The following DCUN1D2 variants were observed in gnomAD, a reference collection of about 807,000 sequenced individuals.
The protein encoded by DCUN1D2 is DCN1-like protein 2.
In DCUN1D2, 29 loss-of-function variants were observed where a neutral mutation model predicts 30.9. That is an observed-to-expected ratio of 0.94 (90% CI 0.70 to 1.28). The LOEUF is 1.28. DCUN1D2 is among the 50% of genes most tolerant of loss of function. The pLI is 0.00. For missense variants in DCUN1D2, 325 were observed against 316.9 expected, an observed-to-expected ratio of 1.03 and a Z score of -0.19; for synonymous variants, 121 against 115.3, an observed-to-expected ratio of 1.05 and a Z score of -0.32.
chr13:113,489,093 G>C (rs1039413582), intron 1 of DCUN1D2: 4 of 985,110 alleles, frequency 4.1e-6, no homozygotes, highest in Non-Finnish European at 4.8e-6. Context: ...AACTTACCCG[G>C]GGCTGGCGGG....
At position 113,456,730 on chromosome 13, in the gene DCUN1D2, A is replaced by C; in HGVS notation, c.*1299T>G. ...TGCAAGGACAGACTTCAGCTCACCA[A>C]TCAGATGAAGGTTTTGGGGTTGGGT... On this transcript the variant is annotated 3_prime_UTR_variant, in exon 7 of 7. Coordinates refer to ENST00000478244, the MANE Select transcript of DCUN1D2 (RefSeq NM_001014283.2). 1 of 194,504 alleles carries C rather than the reference A, an allele frequency of 5.1e-6. No individual in the cohort carries two copies. The highest frequency in any genetic ancestry group is 1.0e-5 in the Non-Finnish European group (1 of 96,560). 12.0% of individuals were successfully genotyped at this position (194,504 alleles called of 1,614,324 possible).
Position 113,484,054 on chromosome 13 carries a change from A to T in DCUN1D2, c.6T>A (p.His2Gln), listed in dbSNP as rs777808907. 1 of 1,613,244 alleles carries T rather than the reference A, an allele frequency of 6.2e-7. No individual in the cohort carries two copies. The highest frequency in any genetic ancestry group is 8.5e-7 in the Non-Finnish European group (1 of 1,179,922). M[H>Q]KLKSSQKDKV... Reference sequence around the variant, plus strand: ...TGTCCTTCTGAGACGATTTAAGCTTATGCTTTGGGATGCAAAAGAAGTAGG... The same window carrying T: ...TGTCCTTCTGAGACGATTTAAGCTTTTGCTTTGGGATGCAAAAGAAGTAGG... The change falls in exon 2 of 7, where the codon CAT becomes CAA. Residue 2 changes from histidine to glutamine, a missense_variant and splice_region_variant. By Grantham distance (24) the His-to-Gln change is conservative. Transcript: ENST00000478244.
chr13:113,485,515 A>T (rs2044786653), intron 1 of DCUN1D2, among the ~76,000 whole-genome samples: 1 of 152,108 alleles, frequency 6.6e-6, no homozygotes, highest in Admixed American at 6.5e-5. Context: ...AGCAGCTCAG[A>T]AGTGGTACAG....
chr13:113,460,953 A>G (rs910930844), intron 5 of DCUN1D2, 101 bp downstream of exon 5: 10 of 691,910 alleles, frequency 1.4e-5, no homozygotes, highest in Non-Finnish European at 2.4e-5. Context: ...TCTGCTGAAA[A>G]CCTCCACGTG....
intron 5 of DCUN1D2, 138 bp downstream of exon 5, chr13:113,460,916 C>A: frequency 3.4e-6 from 2 of 593,708 alleles, no homozygotes; most frequent in Non-Finnish European, 5.9e-6. Flanking sequence ...CCTGTCTGGA[C>A]CTGCGGATCT....
At chr13:113,459,520 A>G (rs548177493) in intron 5 of DCUN1D2, 112 bp from the exon 6 acceptor site, 1 of 591,958 alleles carries the variant, frequency 1.7e-6, no homozygotes, top group African/African-American at 1.8e-5. Context: ...TTGATTAGGA[A>G]CAAGTACAAT....
At chr13:113,490,754 G>T, upstream of DCUN1D2, 3 of 1,138,720 alleles carry the variant, frequency 2.6e-6, no homozygotes, top group South Asian at 8.2e-5. The surrounding 1 kb of genome is among the most constrained non-coding windows in gnomAD (Gnocchi z 5.2). Flanking sequence ...GGACGGCCGC[G>T]GCCCTCGGCT....
At position 113,490,551 on chromosome 13, in the gene DCUN1D2, C is replaced by T. The variant is rs1400858387; in HGVS notation, c.3+116G>A. ...GTTCCTCCCTCGGATCCACGCGGAACGCCCCGCGCAGCTCGCTGGGCTCGG... is the reference window on the plus strand; with the variant it reads ...GTTCCTCCCTCGGATCCACGCGGAATGCCCCGCGCAGCTCGCTGGGCTCGG... On this transcript the variant is annotated intron_variant, in intron 1 of 6. Coordinates refer to ENST00000478244, the MANE Select transcript of DCUN1D2 (RefSeq NM_001014283.2). The surrounding 1 kb of genome is among the most constrained non-coding windows in gnomAD (Gnocchi z 5.2). The T allele has an allele frequency of 9.6e-7, 1 of 1,043,298 alleles. No homozygotes were observed. Among genetic ancestry groups the T allele is most frequent in the Non-Finnish European group, 1.2e-6 (1 of 819,050 alleles). 64.6% of individuals were successfully genotyped at this position (1,043,298 alleles called of 1,614,324 possible). A position where few individuals can be genotyped will look rare whatever the true frequency, so the allele number is the denominator to read the frequency against.
chr13:113,459,800 G>T (rs1032390105), intron 5 of DCUN1D2, among the ~76,000 whole-genome samples: 1 of 152,060 alleles, frequency 6.6e-6, no homozygotes, highest in Admixed American at 6.6e-5. Flanking sequence ...TCTGCAACTT[G>T]TTTTTTTCCC....
At chr13:113,459,180 A>T (rs962651539) in intron 6 of DCUN1D2, 132 bp downstream of exon 6, 1 of 581,450 alleles carries the variant, frequency 1.7e-6, no homozygotes, top group Admixed American at 2.9e-5. Flanking sequence ...ATTTACAGAA[A>T]ATAATAAGGA....
chr13:113,483,945 C>T lies in DCUN1D2; in HGVS notation c.115G>A (p.Glu39Lys), dbSNP rs753195532. The part of the protein sequence containing the change: ...CLTQNEWRLD[E>K]ATDSFFQNPD... ...TTTTGGAAGAAGCTGTCCGTGGCCT[C>T]GTCTAGTCTCCACTCATTCTGCGTT... The change falls in exon 2 of 7, where the codon GAG becomes AAG. Residue 39 changes from glutamate to lysine, a missense_variant. Glu to Lys is a moderately conservative substitution (Grantham distance 56, BLOSUM62 1). Transcript: ENST00000478244. The T allele has an allele frequency of 6.2e-7, 1 of 1,614,176 alleles. No homozygotes were observed. Among genetic ancestry groups the T allele is most frequent in the Non-Finnish European group, 8.5e-7 (1 of 1,180,052 alleles).
At chr13:113,459,260 G>C in intron 6 of DCUN1D2, 52 bp downstream of exon 6, 3 of 994,272 alleles carry the variant, frequency 3.0e-6, no homozygotes, top group Non-Finnish European at 4.9e-6. Context: ...AGAAGTTAAC[G>C]TTCTCAGGTG....
intron 4 of DCUN1D2, among the ~76,000 whole-genome samples, chr13:113,469,369 C>CAT (rs1344148950): frequency 6.6e-6 from 1 of 152,166 alleles, no homozygotes; most frequent in African/African-American, 2.4e-5. Context: ...GGGAAACACA[C>CAT]CAACAGAACA....
At chr13:113,473,188 G>A (rs566946099) in intron 4 of DCUN1D2, among the ~76,000 whole-genome samples, 87 of 150,302 alleles carry the variant, frequency 5.8e-4, no homozygotes, top group African/African-American at 2.0e-3. Flanking sequence ...CCTCTGTCCC[G>A]TGTCTCTGCC....
At chr13:113,470,582 G>A (rs571453119) in intron 4 of DCUN1D2, among the ~76,000 whole-genome samples, 2 of 147,878 alleles carry the variant, frequency 1.4e-5, no homozygotes, top group African/African-American at 2.5e-5. Flanking sequence ...ACTCCACAGG[G>A]AACCCAACTC....
intron 3 of DCUN1D2, among the ~76,000 whole-genome samples, chr13:113,479,544 TG>T (rs2044671692): frequency 6.6e-6 from 1 of 152,166 alleles, no homozygotes; most frequent in Admixed American, 6.5e-5. Context: ...GTGTGTCCCC[TG>T]AAGTCAGGAG....
In DCUN1D2 at chr13:113,480,761, G is replaced by A. The variant is rs1397742357; in HGVS notation, c.221-18C>T. ...TTGTGGATCTGTAGTTAATATCAGG[G>A]GAAAAGGAAGTTATACTATTTTGAA... On this transcript the variant is annotated intron_variant, in intron 2 of 6. Transcript: ENST00000478244. 5 of 1,611,386 alleles carry A rather than the reference G, an allele frequency of 3.1e-6. No individual in the cohort carries two copies. The highest frequency in any genetic ancestry group is 1.1e-5 in the South Asian group (1 of 90,346).
At position 113,457,692 on chromosome 13, in the gene DCUN1D2, C is replaced by T. The variant is rs934231063; in HGVS notation, c.*337G>A. 1.1e-5 allele frequency: 2 copies of T among 177,766 alleles called. No individual in the cohort carries two copies. The highest frequency in any genetic ancestry group is 2.3e-5 in the African/African-American group (1 of 42,566). 11.0% of individuals were successfully genotyped at this position (177,766 alleles called of 1,614,324 possible). On this transcript the variant is annotated 3_prime_UTR_variant, in exon 7 of 7. Transcript: ENST00000478244. ...CGCTGCCGGACGCTGGTTCGCCTGACGCGCGAGCTACGCAGCATGCTCTGC... is the reference window on the plus strand; with the variant it reads ...CGCTGCCGGACGCTGGTTCGCCTGATGCGCGAGCTACGCAGCATGCTCTGC...
At chr13:113,484,124 C>T (rs774688067) in intron 1 of DCUN1D2, 68 bp from the exon 2 acceptor site, 11 of 1,596,222 alleles carry the variant, frequency 6.9e-6, no homozygotes, top group South Asian at 4.5e-5. Context: ...TTTAGCCTAA[C>T]GCCTGCACTT....
Sources: allele counts gnomAD v4.1 joint callset (sites outside exome capture counted in the v4.1 genomes callset), GRCh38; gene constraint gnomAD v4.1.1; non-coding constraint Gnocchi (gnomAD v3.1); transcripts MANE v1.5; gene names NCBI Gene and HGNC (gene_info 2026-07-23, HGNC 2026-07-21).